The following NCAM2 variants were observed in gnomAD, a reference collection of about 807,000 sequenced individuals.
The protein encoded by NCAM2 is neural cell adhesion molecule 2.
A neutral mutation model predicts 98.1 loss-of-function variants in NCAM2; 30 were observed. The ratio of observed to expected loss-of-function variants is 0.31; its 90% CI spans 0.23 to 0.41. The LOEUF is 0.41. NCAM2 is among the 10% of genes least tolerant of loss of function. NCAM2 has a pLI of 1.00. For missense variants in NCAM2, 867 were observed against 1,005.8 expected (o/e 0.86, Z 1.87); for synonymous variants, 368 against 342.4 (o/e 1.07, Z -0.83).
chr21:21,275,262 A>G (rs1288429370), intron 1 of NCAM2, among the ~76,000 whole-genome samples: 1 of 151,688 alleles, frequency 6.6e-6, no homozygotes. Flanking sequence ...AACACGGTGA[A>G]ACCCCATCTC....
intron 1 of NCAM2, among the ~76,000 whole-genome samples, chr21:21,199,216 T>C (rs904728133): frequency 1.2e-4 from 18 of 152,200 alleles, no homozygotes; most frequent in South Asian, 2.1e-4. Context: ...TTAATGTCTT[T>C]CATTGCAAAA....
intron 1 of NCAM2, among the ~76,000 whole-genome samples, chr21:21,121,793 G>A (rs1003234713): frequency 1.3e-5 from 2 of 152,244 alleles, no homozygotes; most frequent in African/African-American, 4.8e-5. Context: ...TGCCGTTGAA[G>A]TGGCCCATGG....
intron 5 of NCAM2, among the ~76,000 whole-genome samples, chr21:21,303,632 G>A (rs1192075248): frequency 6.6e-6 from 1 of 152,008 alleles, no homozygotes; most frequent in African/African-American, 2.4e-5. Context: ...CCTGTGAGAG[G>A]TAATGGCTGG....
chr21:21,505,597 T>TA (rs964784017), intron 15 of NCAM2, among the ~76,000 whole-genome samples: 22 of 151,262 alleles, frequency 1.5e-4, no homozygotes, highest in South Asian at 6.3e-4. Flanking sequence ...CCTGAATTAT[T>TA]AAAAAAAAAC....
chr21:21,391,872 T>C (rs1300254305), intron 9 of NCAM2, among the ~76,000 whole-genome samples: 1 of 152,176 alleles, frequency 6.6e-6, no homozygotes, highest in Non-Finnish European at 1.5e-5. Context: ...CTTGGGCTGC[T>C]AATAATTTTG....
chr21:21,178,673 A>G (rs1466205102), intron 1 of NCAM2, among the ~76,000 whole-genome samples: 1 of 152,012 alleles, frequency 6.6e-6, no homozygotes, highest in African/African-American at 2.4e-5. Context: ...AGAATTAATA[A>G]TATACCTTTA....
intron 1 of NCAM2, among the ~76,000 whole-genome samples, chr21:21,054,404 G>A (rs545088794): frequency 6.6e-6 from 1 of 152,040 alleles, no homozygotes; most frequent in African/African-American, 2.4e-5. Flanking sequence ...ACAGATCAGC[G>A]TAAAATGTTA....
chr21:21,325,289 G>A lies in NCAM2; in HGVS notation c.737+789G>A, dbSNP rs377457155. Among the ~76,000 whole-genome samples, 6 of 152,268 alleles carry A rather than the reference G, an allele frequency of 3.9e-5. No homozygotes were observed. In the East Asian group the frequency reaches 7.7e-4, roughly 20 times the overall value. On this transcript the variant is annotated intron_variant, in intron 6 of 17. Coordinates refer to ENST00000400546, the MANE Select transcript of NCAM2 (RefSeq NM_004540.5). ...AAGATTAGTAAAATATACATCAGAAGTGCAAAAGTGTCCCTACTAAGTATT... is the reference window on the plus strand; with the variant it reads ...AAGATTAGTAAAATATACATCAGAAATGCAAAAGTGTCCCTACTAAGTATT...
chr21:21,308,926 A>C (rs1329368649), intron 5 of NCAM2, among the ~76,000 whole-genome samples: 1 of 152,070 alleles, frequency 6.6e-6, no homozygotes, highest in Non-Finnish European at 1.5e-5. Flanking sequence ...GGCAATGTTT[A>C]ATCCACTGTT....
At chr21:21,175,001 A>G (rs145041903) in intron 1 of NCAM2, among the ~76,000 whole-genome samples, 4 of 152,292 alleles carry the variant, frequency 2.6e-5, no homozygotes, top group Non-Finnish European at 5.9e-5. Flanking sequence ...TATTTCTAGA[A>G]CATAGTGAAA....
intron 1 of NCAM2, among the ~76,000 whole-genome samples, chr21:21,060,459 TTTAA>T (rs1188978405): frequency 6.6e-6 from 1 of 152,132 alleles, no homozygotes; most frequent in Non-Finnish European, 1.5e-5. Flanking sequence ...TGGATATATG[TTTAA>T]TTTTCTTTCC....
At chr21:21,478,680 C>T (rs1049328374) in intron 15 of NCAM2, among the ~76,000 whole-genome samples, 2 of 151,762 alleles carry the variant, frequency 1.3e-5, no homozygotes, top group Admixed American at 1.3e-4. Flanking sequence ...GTAAAAAGTC[C>T]CTGGAAATAA....
chr21:21,479,528 GAGCC>G, intron 15 of NCAM2, among the ~76,000 whole-genome samples: 1 of 139,812 alleles, frequency 7.2e-6, no homozygotes, highest in South Asian at 2.3e-4. Flanking sequence ...AGCTTGCAGT[GAGCC>G]GAGACCGCGC....
In NCAM2 at chr21:21,538,621, T is replaced by A. The variant is rs918404854; in HGVS notation, c.*664T>A. 6.6e-6 allele frequency: 1 copy of A among 152,274 alleles called. No individual in the cohort carries two copies. Among genetic ancestry groups the A allele is most frequent in the Admixed American group, 6.6e-5 (1 of 15,264 alleles). 9.4% of individuals were successfully genotyped at this position (152,274 alleles called of 1,614,324 possible). A position where few individuals can be genotyped will look rare whatever the true frequency, so the allele number is the denominator to read the frequency against. On this transcript the variant is annotated 3_prime_UTR_variant, in exon 18 of 18. Transcript: ENST00000400546. Reference sequence around the variant, plus strand: ...CATTTGAAAGAATATTAGTTGTATATAAAATTAGATTAGAAAGACTTTCTA... The same window carrying A: ...CATTTGAAAGAATATTAGTTGTATAAAAAATTAGATTAGAAAGACTTTCTA...
At position 21,165,382 on chromosome 21, in the gene NCAM2, C is replaced by T. The variant is rs534336551; in HGVS notation, c.56-115196C>T. Reference sequence around the variant, plus strand: ...TGATTGAGCTACTCACTCCAGCCTCCTTCCAGAGCAAAAACAGATGTTCAC... The same window carrying T: ...TGATTGAGCTACTCACTCCAGCCTCTTTCCAGAGCAAAAACAGATGTTCAC... On this transcript the variant is annotated intron_variant, in intron 1 of 17. Transcript: ENST00000400546. Among the ~76,000 whole-genome samples, 61 of 152,250 alleles carry T rather than the reference C, an allele frequency of 4.0e-4. No individual in the cohort carries two copies. In the South Asian group the frequency reaches 0.013, roughly 32 times the overall value.
At position 21,252,068 on chromosome 21, in the gene NCAM2, G is replaced by A. The variant is rs118097431; in HGVS notation, c.56-28510G>A. Among the ~76,000 whole-genome samples the A allele has an allele frequency of 0.01, 1,524 of 151,974 alleles. 62 individuals carry two copies. In the East Asian group the frequency reaches 0.16, roughly 16 times the overall value. ...TATGAACAGACCCTTTTCAAAAGAA[G>A]ACATTATGTGGCCAACAAGCATGGA... On this transcript the variant is annotated intron_variant, in intron 1 of 17. Coordinates refer to ENST00000400546, the MANE Select transcript of NCAM2 (RefSeq NM_004540.5).
intron 1 of NCAM2, among the ~76,000 whole-genome samples, chr21:21,061,938 T>C (rs2065331829): frequency 6.6e-6 from 1 of 152,146 alleles, no homozygotes; most frequent in African/African-American, 2.4e-5. Flanking sequence ...GTGTTTTTTA[T>C]GTTGGAAAGC....
intron 6 of NCAM2, among the ~76,000 whole-genome samples, chr21:21,334,056 C>T (rs905150048): frequency 1.3e-5 from 2 of 151,904 alleles, no homozygotes; most frequent in Admixed American, 6.6e-5. Flanking sequence ...AGCATCCCTT[C>T]GGAGTAGCTG....
chr21:21,325,712 CA>C (rs2074493551), intron 6 of NCAM2, among the ~76,000 whole-genome samples: 1 of 152,154 alleles, frequency 6.6e-6, no homozygotes, highest in Admixed American at 6.5e-5. Context: ...TACTGTTCTA[CA>C]ATCTTTTTTC....
Sources: gnomAD v4.1 joint callset for allele counts (sites outside exome capture counted in the v4.1 genomes callset) on GRCh38, gnomAD v4.1.1 for gene constraint, MANE v1.5 for transcripts, NCBI Gene and HGNC (gene_info 2026-07-23, HGNC 2026-07-21) for gene names.